The following SGCZ variants were observed in gnomAD, a reference collection of about 807,000 sequenced individuals.
SGCZ encodes the protein sarcoglycan zeta.
In SGCZ, 40 loss-of-function variants were observed where a neutral mutation model predicts 41.3. That is an observed-to-expected ratio of 0.97 (90% CI 0.75 to 1.26). The LOEUF is 1.26. Ranked by LOEUF, SGCZ falls within the 50% of genes most tolerant of loss-of-function variation. The pLI is 0.00. For missense variants in SGCZ, 552 were observed against 369.8 expected, an observed-to-expected ratio of 1.49 and a Z score of -4.04; for synonymous variants, 206 against 137.5, an observed-to-expected ratio of 1.50 and a Z score of -3.49.
At chr8:14,189,643 T>C (rs1334447399) in intron 4 of SGCZ, among the ~76,000 whole-genome samples, 1 of 152,244 alleles carries the variant, frequency 6.6e-6, no homozygotes, top group Admixed American at 6.5e-5. Flanking sequence ...GTCTTCTTCC[T>C]GTGTCCTCTC....
rs543460078 is a variant in SGCZ, at chr8:14,420,962, T to C, written c.235-96758A>G. Among the ~76,000 whole-genome samples the C allele has an allele frequency of 7.2e-5, 11 of 152,266 alleles. No homozygotes were observed. In the East Asian group the frequency reaches 1.9e-3, roughly 27 times the overall value. The stretch of plus-strand genomic sequence containing the variant: ...TTTTCTCCACTTTACAATATGTCTT[T>C]AGAGAGGGATCACACTATTTCAGAA... On this transcript the variant is annotated intron_variant, in intron 2 of 7. Coordinates refer to ENST00000382080, the MANE Select transcript of SGCZ (RefSeq NM_139167.4).
chr8:14,399,599 T>C (rs930966172), intron 2 of SGCZ, among the ~76,000 whole-genome samples: 2 of 152,164 alleles, frequency 1.3e-5, no homozygotes, highest in African/African-American at 4.8e-5. Flanking sequence ...GTATGTTTTT[T>C]TCAGTATTTT....
intron 2 of SGCZ, among the ~76,000 whole-genome samples, chr8:14,553,155 C>T (rs1194451836): frequency 6.6e-6 from 1 of 152,018 alleles, no homozygotes; most frequent in East Asian, 1.9e-4. Flanking sequence ...GACACCCAGA[C>T]AGTAGTCAGA....
At chr8:15,223,756 T>C (rs1254884997) in intron 1 of SGCZ, among the ~76,000 whole-genome samples, 1 of 152,202 alleles carries the variant, frequency 6.6e-6, no homozygotes, top group Admixed American at 6.5e-5. Flanking sequence ...TCAGATAGTA[T>C]GGAGTCATTA....
At chr8:15,220,641 G>A (rs1801563030) in intron 1 of SGCZ, among the ~76,000 whole-genome samples, 1 of 152,110 alleles carries the variant, frequency 6.6e-6, no homozygotes, top group Non-Finnish European at 1.5e-5. Context: ...AATACCATTT[G>A]ACCCCATGAT....
chr8:14,655,552 A>G (rs1250848285), intron 1 of SGCZ, among the ~76,000 whole-genome samples: 2 of 151,414 alleles, frequency 1.3e-5, no homozygotes, highest in African/African-American at 2.4e-5. Context: ...AAGGGTTTTT[A>G]AACTTTTTAT....
intron 2 of SGCZ, among the ~76,000 whole-genome samples, chr8:14,413,104 G>A (rs758415070): frequency 2.6e-5 from 4 of 151,942 alleles, no homozygotes; most frequent in South Asian, 4.1e-4. Flanking sequence ...GACCAAGTTC[G>A]CATCATTAAG....
At chr8:14,765,448 G>A (rs899147434) in intron 1 of SGCZ, among the ~76,000 whole-genome samples, 10 of 152,042 alleles carry the variant, frequency 6.6e-5, no homozygotes, top group Admixed American at 1.3e-4. Context: ...ATAACTGGAG[G>A]CCTGAAACAT....
At chr8:14,386,243 T>C (rs1379266806) in intron 2 of SGCZ, among the ~76,000 whole-genome samples, 2 of 151,838 alleles carry the variant, frequency 1.3e-5, no homozygotes, top group African/African-American at 4.8e-5. Flanking sequence ...GCACCTGCTA[T>C]GATAAATTTT....
At chr8:15,228,446 C>T (rs1255118286) in intron 1 of SGCZ, among the ~76,000 whole-genome samples, 1 of 152,110 alleles carries the variant, frequency 6.6e-6, no homozygotes, top group Non-Finnish European at 1.5e-5. Flanking sequence ...AGATGAAATA[C>T]AATATATAAA....
chr8:14,878,290 A>G (rs1804444748), intron 1 of SGCZ, among the ~76,000 whole-genome samples: 1 of 151,028 alleles, frequency 6.6e-6, no homozygotes, highest in Admixed American at 6.6e-5. Context: ...AGTTTCCTAT[A>G]TTAAGAACCA....
At chr8:14,414,978 T>C (rs12544195) in intron 2 of SGCZ, among the ~76,000 whole-genome samples, 2 of 151,760 alleles carry the variant, frequency 1.3e-5, no homozygotes, top group African/African-American at 2.4e-5. Flanking sequence ...CATTTCTTAG[T>C]TCATTTAATA....
At chr8:14,987,925 G>C (rs17120673) in intron 1 of SGCZ, among the ~76,000 whole-genome samples, 8,161 of 152,012 alleles carry the variant, frequency 0.054, 455 homozygotes, top group African/African-American at 0.14. Flanking sequence ...AATTTTGTCA[G>C]TGTCGTCTCA....
intron 2 of SGCZ, among the ~76,000 whole-genome samples, chr8:14,537,396 A>G (rs1233756621): frequency 1.3e-5 from 2 of 151,906 alleles, no homozygotes; most frequent in Admixed American, 1.3e-4. Flanking sequence ...ACTCTCTACA[A>G]GGCACTTTGC....
intron 3 of SGCZ, among the ~76,000 whole-genome samples, chr8:14,280,314 A>G (rs771288736): frequency 6.6e-6 from 1 of 151,886 alleles, no homozygotes. Flanking sequence ...AGTAATATAA[A>G]TTTAGTTAAT....
At chr8:15,117,906 A>C (rs117487616) in intron 1 of SGCZ, among the ~76,000 whole-genome samples, 1,575 of 152,330 alleles carry the variant, frequency 0.01, 15 homozygotes, top group Middle Eastern at 0.051. Context: ...CTTAGGTATT[A>C]ATTGCTGTCT....
intron 2 of SGCZ, among the ~76,000 whole-genome samples, chr8:14,399,722 A>C (rs1468012704): frequency 6.6e-6 from 1 of 152,078 alleles, no homozygotes; most frequent in Non-Finnish European, 1.5e-5. Context: ...CTTTGAGCCT[A>C]ATCAATATTT....
intron 1 of SGCZ, among the ~76,000 whole-genome samples, chr8:14,860,586 AAAG>A (rs1164479231): frequency 9.9e-5 from 15 of 151,656 alleles, no homozygotes; most frequent in Admixed American, 6.6e-5. Context: ...AAAAAGAAAG[AAAG>A]AAGAAAAGGA....
chr8:14,761,509 A>G (rs1799870696), intron 1 of SGCZ, among the ~76,000 whole-genome samples: 1 of 149,230 alleles, frequency 6.7e-6, no homozygotes, highest in African/African-American at 2.5e-5. Context: ...TTCTATTATT[A>G]TTATTATTAT....
Sources: gnomAD v4.1 joint callset for allele counts (sites outside exome capture counted in the v4.1 genomes callset) on GRCh38, gnomAD v4.1.1 for gene constraint, MANE v1.5 for transcripts, NCBI Gene and HGNC (gene_info 2026-07-23, HGNC 2026-07-21) for gene names.